The following UBE2F variants were observed in gnomAD, a reference collection of about 807,000 sequenced individuals.
The protein encoded by UBE2F is ubiquitin conjugating enzyme E2 F (putative).
In UBE2F, 5 loss-of-function variants were observed where a neutral mutation model predicts 29.6. The observed-to-expected ratio is 0.17, with a 90% CI of 0.09 to 0.36. The LOEUF (loss-of-function observed/expected upper bound fraction) is 0.36. UBE2F is among the 10% of genes least tolerant of loss of function. The pLI, the probability that UBE2F is intolerant of heterozygous loss-of-function variation, is 1.00. For synonymous variants in UBE2F, 66 were observed against 81.8 expected (o/e 0.81, Z 1.04); for missense variants, 141 against 228.5 (o/e 0.62, Z 2.47).
At chr2:238,015,159 C>A (rs757951311) in intron 4 of UBE2F, among the ~76,000 whole-genome samples, 3 of 152,128 alleles carry the variant, frequency 2.0e-5, no homozygotes, top group Admixed American at 1.3e-4. Context: ...TTGGGAAAGG[C>A]CTTTTCTAAG....
chr2:238,029,163 T>C (rs7566642), intron 6 of UBE2F: 127,002 of 152,090 alleles, frequency 0.84, 53,133 homozygotes, highest in East Asian at 0.97. Flanking sequence ...CAGGGCTTCA[T>C]CAGACCTCTG....
intron 4 of UBE2F, among the ~76,000 whole-genome samples, chr2:238,005,604 G>GTT (rs2063883862): frequency 6.4e-5 from 3 of 47,118 alleles, no homozygotes; most frequent in African/African-American, 1.1e-4. Flanking sequence ...GTAGTTTTCT[G>GTT]GTTTTTTTTT....
rs57180067 is a variant in UBE2F at position 237,991,609 on chromosome 2, C to CTTTCTTTTTTTTTTTTTTT, written c.149-3132_149-3131insCTTTTTTTTTTTTTTTTTT. Among the ~76,000 whole-genome samples the CTTTCTTTTTTTTTTTTTTT allele has an allele frequency of 8.1e-3, 431 of 53,026 alleles. 59 individuals are homozygous for CTTTCTTTTTTTTTTTTTTT. The highest frequency in any genetic ancestry group is 0.012 in the South Asian group (19 of 1,652). 34.8% of individuals were successfully genotyped at this position (53,026 alleles called of 152,430 possible). A position where few individuals can be genotyped will look rare whatever the true frequency, so the allele number is the denominator to read the frequency against. ...AACCTTTCTTTTCTTTTCTTTCTTT[C>CTTTCTTTTTTTTTTTTTTT]TTTTTTTTTTTTTGAGACAGTCTTG... On this transcript the variant is annotated intron_variant, in intron 3 of 9. Coordinates refer to ENST00000272930, the MANE Select transcript of UBE2F (RefSeq NM_080678.3).
chr2:238,028,606 C>G (rs908675894), intron 6 of UBE2F, among the ~76,000 whole-genome samples: 9 of 152,198 alleles, frequency 5.9e-5, no homozygotes, highest in African/African-American at 2.2e-4. Flanking sequence ...TGGTAGGATA[C>G]ATGATTTGAG....
intron 9 of UBE2F, among the ~76,000 whole-genome samples, chr2:238,038,559 A>C (rs2064771570): frequency 6.6e-6 from 1 of 152,224 alleles, no homozygotes; most frequent in Non-Finnish European, 1.5e-5. Flanking sequence ...AAGTGATGGC[A>C]ATAGGGGTAC....
chr2:238,001,088 G>A (rs1440230315), intron 4 of UBE2F, among the ~76,000 whole-genome samples: 1 of 138,812 alleles, frequency 7.2e-6, no homozygotes, highest in Non-Finnish European at 1.5e-5. Flanking sequence ...AGGCTGGAGT[G>A]CAATGGTGCA....
chr2:237,974,188 G>A (rs867435518), intron 2 of UBE2F, among the ~76,000 whole-genome samples: 46 of 146,682 alleles, frequency 3.1e-4, no homozygotes, highest in Middle Eastern at 3.4e-3. Flanking sequence ...ATGGAATTTC[G>A]CTCTTGTTGT....
At chr2:237,999,359 C>G (rs2063748403) in intron 4 of UBE2F, among the ~76,000 whole-genome samples, 2 of 152,188 alleles carry the variant, frequency 1.3e-5, no homozygotes, top group Admixed American at 6.5e-5. Context: ...CATGAGCCAC[C>G]ACATGTGGCT....
intron 2 of UBE2F, among the ~76,000 whole-genome samples, chr2:237,981,333 C>G (rs1471809127): frequency 1.3e-5 from 2 of 152,238 alleles, no homozygotes; most frequent in East Asian, 3.9e-4. Flanking sequence ...AACTTCTTAC[C>G]ATTTGTGACA....
chr2:237,976,039 C>G (rs763777539), intron 2 of UBE2F, among the ~76,000 whole-genome samples: 3 of 152,220 alleles, frequency 2.0e-5, no homozygotes, highest in Non-Finnish European at 4.4e-5. Context: ...TGGTATTTCA[C>G]ATTTTGGCCT....
At chr2:238,036,361 G>C (rs1212029434) in intron 9 of UBE2F, among the ~76,000 whole-genome samples, 4 of 151,924 alleles carry the variant, frequency 2.6e-5, no homozygotes, top group Non-Finnish European at 2.9e-5. Context: ...TTTATTTTTT[G>C]TAGAGATGGA....
rs2106313694 is a variant in UBE2F at position 237,967,014 on chromosome 2, A to G, written c.-135A>G. 3 of 1,244,094 alleles carry G rather than the reference A, an allele frequency of 2.4e-6. No individual in the cohort carries two copies. The highest frequency in any genetic ancestry group is 6.7e-5 in the East Asian group (2 of 30,074). The allele number at this position is 1,244,094 out of a possible 1,614,324, so 77.1% of individuals were successfully genotyped here. The stretch of plus-strand genomic sequence containing the variant: ...AGAGCGGCCGAGTCCCCGCCCCGCC[A>G]CTTCCGGTCCCGCCGCCGGGAGCCG... On this transcript the variant is annotated 5_prime_UTR_variant, in exon 1 of 10. Coordinates refer to ENST00000272930, the MANE Select transcript of UBE2F (RefSeq NM_080678.3). This position sits in a 1 kb window ranked among gnomAD's most constrained non-coding sequence, Gnocchi z 6.3.
chr2:238,002,657 G>A (rs2063820837), intron 4 of UBE2F, among the ~76,000 whole-genome samples: 1 of 152,070 alleles, frequency 6.6e-6, no homozygotes, highest in Non-Finnish European at 1.5e-5. Context: ...CATCACCCAG[G>A]CTGGAGTGCA....
chr2:237,995,489 C>T (rs889992599), intron 4 of UBE2F, among the ~76,000 whole-genome samples: 2 of 152,144 alleles, frequency 1.3e-5, no homozygotes, highest in South Asian at 2.1e-4. Context: ...GGGTGGCAAC[C>T]GGTCGATGCT....
rs969281151 is a variant in UBE2F, at chr2:237,982,682, C to T, written c.119-5281C>T. On this transcript the variant is annotated intron_variant, in intron 2 of 9. Coordinates refer to ENST00000272930, the MANE Select transcript of UBE2F (RefSeq NM_080678.3). This position sits in a 1 kb window ranked among gnomAD's most constrained non-coding sequence, Gnocchi z 4.1. ...TCTAATCAACAAAATATAAATAATA[C>T]AGAATAAAATGTTAGTATTTGCTTT... Among the ~76,000 whole-genome samples, 1 of 152,160 alleles carries T rather than the reference C, an allele frequency of 6.6e-6. No homozygotes were observed. Among genetic ancestry groups the T allele is most frequent in the Non-Finnish European group, 1.5e-5 (1 of 68,034 alleles).
intron 5 of UBE2F, among the ~76,000 whole-genome samples, chr2:238,021,778 G>A (rs901616303): frequency 6.6e-6 from 1 of 152,202 alleles, no homozygotes; most frequent in Admixed American, 6.5e-5. Flanking sequence ...TTTTAGAAAT[G>A]TAAAAACCAG....
At chr2:238,039,699 G>A (rs2064797559) in intron 9 of UBE2F, among the ~76,000 whole-genome samples, 1 of 152,224 alleles carries the variant, frequency 6.6e-6, no homozygotes, top group Admixed American at 6.5e-5. Context: ...TGCAGTAGGA[G>A]AGGAGGAGGG....
intron 1 of UBE2F, among the ~76,000 whole-genome samples, chr2:237,971,521 A>G (rs11678065): frequency 6.6e-6 from 1 of 151,986 alleles, no homozygotes; most frequent in African/African-American, 2.4e-5. Context: ...ACGGGGTTTC[A>G]CCATGTTGGC....
chr2:237,968,743 A>T, intron 1 of UBE2F: 1 of 637,118 alleles, frequency 1.6e-6, no homozygotes, highest in Non-Finnish European at 2.0e-6. Flanking sequence ...TGGGCCAATT[A>T]CAACTTGTGG....
Sources: gnomAD v4.1 joint callset for allele counts (sites outside exome capture counted in the v4.1 genomes callset) on GRCh38, gnomAD v4.1.1 for gene constraint, Gnocchi (gnomAD v3.1) non-coding constraint, MANE v1.5 for transcripts, NCBI Gene and HGNC (gene_info 2026-07-23, HGNC 2026-07-21) for gene names.